ZSCAN20: variants seen among roughly 807,000 people sequenced by gnomAD.
The protein encoded by ZSCAN20 is zinc finger and SCAN domain containing 20, also known as zinc finger and SCAN domain-containing protein 20.
ZSCAN20 carries 39 observed loss-of-function variants against 97.1 expected under a neutral mutation model. That is an observed-to-expected ratio of 0.40 (90% CI 0.31 to 0.52). ZSCAN20 has a LOEUF of 0.52. Ranked by LOEUF, ZSCAN20 falls within the 20% of genes least tolerant of loss-of-function variation. ZSCAN20 has a pLI of 0.49. For missense variants in ZSCAN20, 1,115 were observed against 1,290.4 expected, an observed-to-expected ratio of 0.86 and a Z score of 2.08; for synonymous variants, 456 against 467.3, an observed-to-expected ratio of 0.98 and a Z score of 0.31.
chr1:33,484,014 T>C (rs1308983094), intron 2 of ZSCAN20, among the ~76,000 whole-genome samples: 3 of 152,228 alleles, frequency 2.0e-5, no homozygotes, highest in African/African-American at 7.2e-5. Context: ...ATTGTTGGTA[T>C]ATAGGAAGGC....
At chr1:33,490,178 A>T (rs983326200) in intron 5 of ZSCAN20, among the ~76,000 whole-genome samples, 1 of 152,200 alleles carries the variant, frequency 6.6e-6, no homozygotes, top group Non-Finnish European at 1.5e-5. Flanking sequence ...GACTCATGGT[A>T]AGTTTAGATA....
rs373446575 is a variant in ZSCAN20 at position 33,489,591 on chromosome 1, G to A, written c.755G>A (p.Ser252Asn). 7.4e-6 allele frequency: 12 copies of A among 1,614,008 alleles called. No homozygotes were observed. The African/African-American group carries it at 1.5e-4, about 20-fold the overall frequency. ...CCCCCAGGAGACGACTGTGGGAACA[G>A]CGTGTGCCTGGGTAAGGAGACGTAC... ...KDPPGDDCGN[S>N]VCLGVPVSKP... Residue 252 changes from serine to asparagine, a missense_variant, in exon 5 of 8, where the codon AGC becomes AAC. Physicochemically the swap from Ser to Asn is conservative, Grantham distance 46. Transcript: ENST00000684572.
At position 33,495,289 on chromosome 1, in the gene ZSCAN20, C is replaced by A; in HGVS notation, c.2945C>A (p.Thr982Lys). ...CTCATTACTCACCAGAGGATTCATACGGGAGAGAAGCCGTATAAGTGCAGA... is the reference window on the plus strand; with the variant it reads ...CTCATTACTCACCAGAGGATTCATAAGGGAGAGAAGCCGTATAAGTGCAGA... ...SNLITHQRIHTGEKPYKCREC... is the reference protein window; with the variant it reads ...SNLITHQRIHKGEKPYKCREC... The change falls in exon 8 of 8, where the codon ACG becomes AAG. Residue 982 changes from threonine (T) to lysine (K), a missense_variant. This residue lies in a region of ZSCAN20 where 554 missense variants were observed against 584.9 expected (regional missense o/e 0.95). Coordinates refer to ENST00000684572, the MANE Select transcript of ZSCAN20 (RefSeq NM_001377376.1). The A allele has an allele frequency of 6.2e-7, 1 of 1,611,584 alleles. No homozygotes were observed. Among genetic ancestry groups the A allele is most frequent in the Non-Finnish European group, 8.5e-7 (1 of 1,178,544 alleles).
intron 1 of ZSCAN20, among the ~76,000 whole-genome samples, chr1:33,475,616 C>G (rs961289451): frequency 7.2e-5 from 11 of 152,132 alleles, no homozygotes; most frequent in Admixed American, 2.0e-4. Context: ...ATAGTGAACG[C>G]AACTGGCTGC....
At chr1:33,492,847 A>T (rs568054711) in intron 6 of ZSCAN20, among the ~76,000 whole-genome samples, 6 of 152,232 alleles carry the variant, frequency 3.9e-5, no homozygotes, top group African/African-American at 1.4e-4. Flanking sequence ...ATATGGGGAA[A>T]ATCACATGCA....
chr1:33,479,166 C>A lies in ZSCAN20; in HGVS notation c.-110-13C>A. 1 of 1,070,036 alleles carries A rather than the reference C, an allele frequency of 9.3e-7. No individual in the cohort carries two copies. The highest frequency in any genetic ancestry group is 1.4e-6 in the Non-Finnish European group (1 of 737,694). The allele number at this position is 1,070,036 out of a possible 1,614,324, so 66.3% of individuals were successfully genotyped here. The stretch of plus-strand genomic sequence containing the variant: ...CTTTTGCTCACACTCTATCCTTTGT[C>A]TTTCTGCCTTAGAGCCTTGGGGAGC... On this transcript the variant is annotated splice_polypyrimidine_tract_variant and intron_variant, in intron 1 of 7. Transcript: ENST00000684572.
Position 33,479,241 on chromosome 1 carries a change from A to C in ZSCAN20, c.-48A>C. On this transcript the variant is annotated 5_prime_UTR_variant, in exon 2 of 8. Transcript: ENST00000684572. ...AAGGACTCACCGTAGATGCAGGAAG[A>C]CATTGGATGAGGTCAGCATAGCTGA... 1 of 1,531,310 alleles carries C rather than the reference A, an allele frequency of 6.5e-7. No homozygotes were observed. Among genetic ancestry groups the C allele is most frequent in the South Asian group, 1.3e-5 (1 of 77,524 alleles). The allele number at this position is 1,531,310 out of a possible 1,614,324, so 94.9% of individuals were successfully genotyped here. A position where few individuals can be genotyped will look rare whatever the true frequency, so the allele number is the denominator to read the frequency against.
chr1:33,476,273 A>G (rs1194864060), intron 1 of ZSCAN20, among the ~76,000 whole-genome samples: 1 of 152,114 alleles, frequency 6.6e-6, no homozygotes, highest in African/African-American at 2.4e-5. Flanking sequence ...TCTCCCCACA[A>G]TAGCCTGCTA....
intron 4 of ZSCAN20, 99 bp from the exon 5 acceptor site, chr1:33,489,419 C>A: frequency 8.2e-7 from 1 of 1,216,464 alleles, no homozygotes; most frequent in Non-Finnish European, 1.2e-6. Flanking sequence ...CACATGGTAT[C>A]CCTCTGTTCC....
At chr1:33,489,660 C>T in intron 5 of ZSCAN20, 58 bp downstream of exon 5, 1 of 1,523,966 alleles carries the variant, frequency 6.6e-7, no homozygotes, top group South Asian at 1.1e-5. Context: ...ACCCAGTTCC[C>T]AAAGAGGGTT....
At chr1:33,481,711 T>C (rs1652162794) in intron 2 of ZSCAN20, among the ~76,000 whole-genome samples, 1 of 152,188 alleles carries the variant, frequency 6.6e-6, no homozygotes, top group African/African-American at 2.4e-5. Context: ...CTGAAAAAGG[T>C]TGGTGCCTAC....
chr1:33,473,235 C>T (rs1651795106), intron 1 of ZSCAN20, among the ~76,000 whole-genome samples: 1 of 152,122 alleles, frequency 6.6e-6, no homozygotes, highest in South Asian at 2.1e-4. Context: ...ACGATCATCC[C>T]ATTTACCTAC....
At position 33,491,364 on chromosome 1, in the gene ZSCAN20, T is replaced by C; in HGVS notation, c.1106T>C (p.Phe369Ser). ...GCAGAGCAGCTAAGGGCAAGGGGCT[T>C]CCTGCGGACACTGGAGCAATGTCGC... ...AIAEQLRARG[F>S]LRTLEQCRYR... Residue 369 changes from phenylalanine (F) to serine (S), a missense_variant, in exon 6 of 8, where the codon TTC becomes TCC. By Grantham distance (155) the Phe-to-Ser change is radical. Around this residue, in one of 3 missense-constraint regions of ZSCAN20, gnomAD observed 508 missense variants for 611.2 expected, o/e 0.83. Coordinates refer to ENST00000684572, the MANE Select transcript of ZSCAN20 (RefSeq NM_001377376.1). The surrounding 1 kb of genome is among the most constrained non-coding windows in gnomAD (Gnocchi z 4.3). 1 of 1,614,168 alleles carries C rather than the reference T, an allele frequency of 6.2e-7. No homozygotes were observed. Among genetic ancestry groups the C allele is most frequent in the Non-Finnish European group, 8.5e-7 (1 of 1,180,026 alleles).
intron 2 of ZSCAN20, among the ~76,000 whole-genome samples, chr1:33,484,094 GT>G (rs922025321): frequency 1.3e-5 from 2 of 152,006 alleles, no homozygotes; most frequent in Non-Finnish European, 2.9e-5. Flanking sequence ...GTTCCCAGAA[GT>G]TTTTTTTGTT....
intron 2 of ZSCAN20, among the ~76,000 whole-genome samples, chr1:33,485,795 T>C (rs1408572663): frequency 1.3e-5 from 2 of 152,222 alleles, no homozygotes; most frequent in African/African-American, 4.8e-5. Context: ...GTTGATTTTC[T>C]CTATTGATTT....
chr1:33,483,886 G>A (rs749649469), intron 2 of ZSCAN20, among the ~76,000 whole-genome samples: 1 of 151,948 alleles, frequency 6.6e-6, no homozygotes. Context: ...CCTTTCTTTG[G>A]TAGTTTTCCC....
At chr1:33,475,746 G>A (rs1348998402) in intron 1 of ZSCAN20, among the ~76,000 whole-genome samples, 2 of 151,480 alleles carry the variant, frequency 1.3e-5, no homozygotes, top group Middle Eastern at 3.2e-3. Flanking sequence ...TGCAACCTCC[G>A]CCTCCTGGGT....
intron 2 of ZSCAN20, among the ~76,000 whole-genome samples, chr1:33,483,317 C>A (rs1652226551): frequency 6.6e-6 from 1 of 150,436 alleles, no homozygotes; most frequent in South Asian, 2.1e-4. Flanking sequence ...ATTTGCTTCA[C>A]TGTATTACCT....
chr1:33,491,131 C>T lies in ZSCAN20; in HGVS notation c.873C>T (p.Ser291=). The T allele has an allele frequency of 1.2e-6, 2 of 1,613,830 alleles. No individual in the cohort carries two copies. The highest frequency in any genetic ancestry group is 1.7e-6 in the Non-Finnish European group (2 of 1,180,008). ...GGAAAAGGAGCACTGCAGATTACAG[C>T]CTGGATAATGAGCCAGCTCAGGCAT... ...NSGKRSTADY[S]LDNEPAQALT... Residue 291 remains serine, a synonymous_variant, in exon 6 of 8, where the codon AGC becomes AGT. Coordinates refer to ENST00000684572, the MANE Select transcript of ZSCAN20 (RefSeq NM_001377376.1). The surrounding 1 kb of genome is among the most constrained non-coding windows in gnomAD (Gnocchi z 4.3).
Sources: gnomAD v4.1 joint callset for allele counts (sites outside exome capture counted in the v4.1 genomes callset) on GRCh38, gnomAD v4.1.1 for gene constraint, gnomAD v4.1.1 regional missense constraint, Gnocchi (gnomAD v3.1) non-coding constraint, MANE v1.5 for transcripts, NCBI Gene and HGNC (gene_info 2026-07-23, HGNC 2026-07-21) for gene names.